The following RPS3A variants were observed in gnomAD, a reference collection of about 807,000 sequenced individuals.
RPS3A encodes the protein ribosomal protein S3A.
A neutral mutation model predicts 26.4 loss-of-function variants in RPS3A; 1 was observed. That is an observed-to-expected ratio of 0.04 (90% CI 0.01 to 0.18). The LOEUF is 0.18. Among genes scored for constraint, RPS3A ranks in the 10% least tolerant of loss-of-function variants. The pLI, the probability that RPS3A is intolerant of heterozygous loss-of-function variation, is 1.00. For synonymous variants in RPS3A, 97 were observed against 106.1 expected, an observed-to-expected ratio of 0.91 and a Z score of 0.53; for missense variants, 139 against 326.8, an observed-to-expected ratio of 0.43 and a Z score of 4.43.
At chr4:151,102,545 A>AG (rs146146423) in intron 3 of RPS3A, among the ~76,000 whole-genome samples, 10,289 of 152,076 alleles carry the variant, frequency 0.068, 555 homozygotes, top group East Asian at 0.19. Context: ...TTTACACTTG[A>AG]GGGGGTATGA....
Position 151,099,722 on chromosome 4 carries a change from G to T in RPS3A, c.62+8G>T, listed in dbSNP as rs1379102608. ...GGGAGCCAAGAAGAAAGTGTAAGTCGCGACTGTCGTGGCGTCTTGCTTTTT... is the reference window on the plus strand; with the variant it reads ...GGGAGCCAAGAAGAAAGTGTAAGTCTCGACTGTCGTGGCGTCTTGCTTTTT... On this transcript the variant is annotated splice_region_variant and intron_variant, in intron 1 of 5. Transcript: ENST00000274065. The T allele has an allele frequency of 6.2e-7, 1 of 1,610,784 alleles. No homozygotes were observed. Among genetic ancestry groups the T allele is most frequent in the Admixed American group, 1.7e-5 (1 of 59,566 alleles).
In RPS3A at chr4:151,099,647, A is replaced by G. The variant is rs759583909; in HGVS notation, c.-6A>G. 2.5e-6 allele frequency: 4 copies of G among 1,613,872 alleles called. No individual in the cohort carries two copies. Among genetic ancestry groups the G allele is most frequent in the South Asian group, 1.1e-5 (1 of 91,020 alleles). On this transcript the variant is annotated 5_prime_UTR_variant, in exon 1 of 6. Coordinates refer to ENST00000274065, the MANE Select transcript of RPS3A (RefSeq NM_001006.5). ...CTTCCGCCCTTTTGGCTCTCTGACCAGCACCATGGCGGTTGGCAAGAACAA... is the reference window on the plus strand; with the variant it reads ...CTTCCGCCCTTTTGGCTCTCTGACCGGCACCATGGCGGTTGGCAAGAACAA...
chr4:151,102,012 T>C (rs1235182233), intron 3 of RPS3A: 1 of 512,998 alleles, frequency 1.9e-6, no homozygotes, highest in Non-Finnish European at 3.9e-6. Flanking sequence ...GGATTACAGG[T>C]GTGAGCCACT....
chr4:151,104,344 A>G (rs1747267490), intron 5 of RPS3A, 58 bp downstream of exon 5: 1 of 1,565,470 alleles, frequency 6.4e-7, no homozygotes, highest in Non-Finnish European at 8.7e-7. Context: ...TGGGTGGAGG[A>G]GGAGTGTGGG....
At chr4:151,100,792 C>T (rs2149703177) in intron 2 of RPS3A, among the ~76,000 whole-genome samples, 183 bp from the exon 3 acceptor site, 1 of 152,228 alleles carries the variant, frequency 6.6e-6, no homozygotes, top group South Asian at 2.1e-4. Context: ...AGAAAATGTG[C>T]CATGGGTAGT....
chr4:151,104,051 T>TATAA lies in RPS3A; in HGVS notation c.564-124_564-123insAAAT, dbSNP rs1056138381. The TATAA allele has an allele frequency of 1.6e-5, 24 of 1,489,674 alleles. No homozygotes were observed. The Admixed American group carries it at 4.8e-4, about 30-fold the overall frequency. 92.3% of individuals were successfully genotyped at this position (1,489,674 alleles called of 1,614,324 possible). A position where few individuals can be genotyped will look rare whatever the true frequency, so the allele number is the denominator to read the frequency against. The stretch of plus-strand genomic sequence containing the variant: ...AATGGCTTATCTTAACAGGAGGATT[T>TATAA]ATGCAGGTTAAATGAGGTAGGTGTT... On this transcript the variant is annotated intron_variant, in intron 4 of 5. Coordinates refer to ENST00000274065, the MANE Select transcript of RPS3A (RefSeq NM_001006.5).
At chr4:151,102,024 C>T (rs745570594) in intron 3 of RPS3A, 2 of 515,228 alleles carry the variant, frequency 3.9e-6, no homozygotes, top group Admixed American at 3.9e-5. Flanking sequence ...TGAGCCACTG[C>T]ACCTGGCACA....
intron 4 of RPS3A, 183 bp from the exon 5 acceptor site, chr4:151,103,994 G>T (rs1237379157): frequency 9.9e-6 from 15 of 1,511,652 alleles, no homozygotes; most frequent in Non-Finnish European, 1.3e-5. Flanking sequence ...ATGTAATTCA[G>T]ATCATCTATC....
At chr4:151,103,534 T>C in intron 4 of RPS3A, 1 of 1,030,166 alleles carries the variant, frequency 9.7e-7, no homozygotes, top group Non-Finnish European at 1.2e-6. Context: ...TTTTCGTGTT[T>C]ATTTATTTTG....
chr4:151,100,087 G>A, intron 1 of RPS3A: 1 of 530,278 alleles, frequency 1.9e-6, no homozygotes, highest in East Asian at 4.7e-5. Flanking sequence ...GCCTTTGCTT[G>A]GTCCCGCTGG....
At chr4:151,104,443 T>TTTTTTTTTTTTC in intron 5 of RPS3A, 29 bp from the exon 6 acceptor site, 1 of 1,289,092 alleles carries the variant, frequency 7.8e-7, no homozygotes, top group Admixed American at 3.6e-5. Context: ...TTTTTGGTTT[T>TTTTTTTTTTTTC]TTTTTTTTTT....
At position 151,100,751 on chromosome 4, in the gene RPS3A, G is replaced by C. The variant is rs141699702; in HGVS notation, c.166+163G>C. 1.9e-3 allele frequency among the ~76,000 whole-genome samples: 290 copies of C among 152,282 alleles called. 1 individual carries two copies. Among genetic ancestry groups the C allele is most frequent in the Non-Finnish European group, 3.2e-3 (219 of 68,020 alleles). On this transcript the variant is annotated intron_variant, in intron 2 of 5. Coordinates refer to ENST00000274065, the MANE Select transcript of RPS3A (RefSeq NM_001006.5). The stretch of plus-strand genomic sequence containing the variant: ...GGTGATCATTTTTAGTACAGCACTT[G>C]GAGAGAAGCAAGATGGTGCTTTTTG...
chr4:151,103,476 G>C, intron 4 of RPS3A: 3 of 1,015,108 alleles, frequency 3.0e-6, no homozygotes, highest in Non-Finnish European at 3.6e-6. Flanking sequence ...GGCTGGTCTT[G>C]AACTCCTGAC....
intron 3 of RPS3A, 137 bp from the exon 4 acceptor site, chr4:151,102,734 T>TAA: frequency 9.6e-7 from 1 of 1,042,392 alleles, no homozygotes; most frequent in Non-Finnish European, 1.4e-6. Flanking sequence ...TCTGTAAACT[T>TAA]AAAGAGATGT....
chr4:151,101,966 C>G (rs749409936), intron 3 of RPS3A: 9 of 461,446 alleles, frequency 2.0e-5, no homozygotes, highest in Admixed American at 5.2e-5. Context: ...CTCCTGACTT[C>G]AAGTGATCTG....
In RPS3A at chr4:151,104,193, G is replaced by A; in HGVS notation, c.580G>A (p.Gly194Arg). The change falls in exon 5 of 6, where the codon GGA (glycine) becomes AGA (arginine). Residue 194 changes from glycine to arginine, a missense_variant. By Grantham distance (125) the Gly-to-Arg change is moderately radical. Coordinates refer to ENST00000274065, the MANE Select transcript of RPS3A (RefSeq NM_001006.5). Reference sequence around the variant, plus strand: ...GGTTTGCAGGATTCCAGACAGCATTGGAAAAGACATAGAAAAGGCTTGCCA... The same window carrying A: ...GGTTTGCAGGATTCCAGACAGCATTAGAAAAGACATAGAAAAGGCTTGCCA... ...VVNKLIPDSIGKDIEKACQSI... is the reference protein window; with the variant it reads ...VVNKLIPDSIRKDIEKACQSI... 1 of 1,610,944 alleles carries A rather than the reference G, an allele frequency of 6.2e-7. No homozygotes were observed. Among genetic ancestry groups the A allele is most frequent in the Non-Finnish European group, 8.5e-7 (1 of 1,179,316 alleles).
At chr4:151,104,014 T>G in intron 4 of RPS3A, 163 bp from the exon 5 acceptor site, 1 of 1,495,466 alleles carries the variant, frequency 6.7e-7, no homozygotes, top group Non-Finnish European at 8.9e-7. Flanking sequence ...CCTTTACATG[T>G]GAAAGGTAAA....
At chr4:151,101,855 C>T (rs1258845400) in intron 3 of RPS3A, among the ~76,000 whole-genome samples, 3 of 152,122 alleles carry the variant, frequency 2.0e-5, no homozygotes, top group Admixed American at 6.6e-5. Flanking sequence ...GCCTCAGCCT[C>T]CCAAGTAGCT....
In RPS3A at chr4:151,101,048, A is replaced by G. The variant is rs559283487; in HGVS notation, c.240A>G (p.Ala80=). Reference sequence around the variant, plus strand: ...CTGATTTGCAGAATGATGAAGTTGCATTTAGAAAATTCAAGCTGATTACTG... The same window carrying G: ...CTGATTTGCAGAATGATGAAGTTGCGTTTAGAAAATTCAAGCTGATTACTG... ...SLADLQNDEV[A]FRKFKLITED... The change falls in exon 3 of 6, where the codon GCA becomes GCG. Residue 80 remains alanine (A), a synonymous_variant. Transcript: ENST00000274065. 1.1e-5 allele frequency: 17 copies of G among 1,591,760 alleles called. No homozygotes were observed. In the South Asian group the frequency reaches 1.7e-4, roughly 15 times the overall value.
Sources: allele counts gnomAD v4.1 joint callset (sites outside exome capture counted in the v4.1 genomes callset), GRCh38; gene constraint gnomAD v4.1.1; transcripts MANE v1.5; gene names NCBI Gene and HGNC (gene_info 2026-07-23, HGNC 2026-07-21).